LSM14A: variants seen among roughly 807,000 people sequenced by gnomAD.
The protein encoded by LSM14A is protein LSM14 homolog A.
Under a neutral mutation model 52.4 loss-of-function variants are expected in LSM14A, and 14 were observed. The observed-to-expected ratio is 0.27, with a 90% confidence interval of 0.18 to 0.42. LSM14A has a LOEUF of 0.42. LSM14A is among the 10% of genes least tolerant of loss of function. The pLI is 1.00. For synonymous variants in LSM14A, 185 were observed against 200.3 expected (o/e 0.92, Z 0.64); for missense variants, 417 against 581.8 (o/e 0.72, Z 2.91).
intron 1 of LSM14A, among the ~76,000 whole-genome samples, chr19:34,184,055 C>CT (rs34912989): frequency 0.091 from 11,753 of 129,844 alleles, 979 homozygotes; most frequent in African/African-American, 0.19. Flanking sequence ...CTTTCCTTTG[C>CT]TTTTTTTTTT....
chr19:34,172,865 C>G, intron 1 of LSM14A, 102 bp downstream of exon 1: 1 of 1,353,506 alleles, frequency 7.4e-7, no homozygotes, highest in South Asian at 1.5e-5. Flanking sequence ...CTCCCTCCGT[C>G]GAGCTCCGGG....
At chr19:34,173,724 G>A (rs1255960225) in intron 1 of LSM14A, among the ~76,000 whole-genome samples, 3 of 152,150 alleles carry the variant, frequency 2.0e-5, no homozygotes, top group South Asian at 2.1e-4. Context: ...AATACTTTGA[G>A]GGAAGCTAGA....
In LSM14A at chr19:34,215,238, T is replaced by A. The variant is rs776692217; in HGVS notation, c.653T>A (p.Val218Glu). Residue 218 changes from valine to glutamate, a missense_variant, in exon 5 of 10, where the codon GTA becomes GAA. By Grantham distance (121) the Val-to-Glu change is moderately radical. This residue lies in a region of LSM14A where 357 missense variants were observed against 457.0 expected (regional missense o/e 0.78). Coordinates refer to ENST00000544216, the MANE Select transcript of LSM14A (RefSeq NM_015578.4). ...GCAGCTGTTGGGAGAAGGAGTCCTGTATCAACCAGGCCTTTGCCATCTGCC... is the reference window on the plus strand; with the variant it reads ...GCAGCTGTTGGGAGAAGGAGTCCTGAATCAACCAGGCCTTTGCCATCTGCC... ...APAAVGRRSPVSTRPLPSASQ... is the reference protein window; with the variant it reads ...APAAVGRRSPESTRPLPSASQ... 2 of 1,614,170 alleles carry A rather than the reference T, an allele frequency of 1.2e-6. No homozygotes were observed. Among genetic ancestry groups the A allele is most frequent in the Non-Finnish European group, 1.7e-6 (2 of 1,180,028 alleles).
intron 2 of LSM14A, 44 bp from the exon 3 acceptor site, chr19:34,196,590 A>G (rs201681504): frequency 3.2e-6 from 5 of 1,540,276 alleles, no homozygotes; most frequent in Admixed American, 2.3e-5. Context: ...CGTTATATAC[A>G]TGTTGCTTAG....
chr19:34,181,520 A>G (rs571480435), intron 1 of LSM14A, among the ~76,000 whole-genome samples: 1 of 152,192 alleles, frequency 6.6e-6, no homozygotes, highest in East Asian at 1.9e-4. Flanking sequence ...ATTCTACTTC[A>G]CCAGTCAGCA....
At chr19:34,214,201 T>C (rs911587996) in intron 4 of LSM14A, among the ~76,000 whole-genome samples, 1 of 152,086 alleles carries the variant, frequency 6.6e-6, no homozygotes, top group Non-Finnish European at 1.5e-5. Context: ...TGTTTGTTTG[T>C]TTTTTTGCTG....
Position 34,227,752 on chromosome 19 carries a change from A to C in LSM14A, c.*364A>C. The stretch of plus-strand genomic sequence containing the variant: ...TATTTGGCAATTGCAAGTTGCCTGC[A>C]GATAGGGCCGTGATACTGTGTTTTG... On this transcript the variant is annotated 3_prime_UTR_variant, in exon 10 of 10. Transcript: ENST00000544216. The C allele has an allele frequency of 4.8e-6, 1 of 207,834 alleles. No individual in the cohort carries two copies. The highest frequency in any genetic ancestry group is 9.4e-6 in the Non-Finnish European group (1 of 106,114). The allele number at this position is 207,834 out of a possible 1,614,324, so 12.9% of individuals were successfully genotyped here.
chr19:34,179,326 A>G (rs1341381954), intron 1 of LSM14A, among the ~76,000 whole-genome samples: 1 of 152,220 alleles, frequency 6.6e-6, no homozygotes, highest in Admixed American at 6.5e-5. Context: ...CTATTACCTT[A>G]TTGGAGAGAG....
At chr19:34,226,395 T>TC (rs2073346346) in intron 9 of LSM14A, 2 of 1,491,274 alleles carry the variant, frequency 1.3e-6, no homozygotes, top group African/African-American at 1.4e-5. Context: ...TTTTTTTTTT[T>TC]TTTACCTTTC....
chr19:34,173,108 G>A (rs1284907482), intron 1 of LSM14A, among the ~76,000 whole-genome samples: 2 of 152,252 alleles, frequency 1.3e-5, no homozygotes, highest in Non-Finnish European at 2.9e-5. Context: ...AACAAAGCCG[G>A]AGTATTCAAA....
chr19:34,173,716 T>TA (rs1408707158), intron 1 of LSM14A, among the ~76,000 whole-genome samples: 3 of 152,134 alleles, frequency 2.0e-5, no homozygotes, highest in Non-Finnish European at 4.4e-5. Flanking sequence ...CAGTGTAAAA[T>TA]ACTTTGAGGG....
chr19:34,188,442 A>G (rs1225553855), intron 1 of LSM14A, among the ~76,000 whole-genome samples: 1 of 152,198 alleles, frequency 6.6e-6, no homozygotes. Context: ...GTGTGTGCGC[A>G]CATGTGTGTT....
chr19:34,196,654 T>A lies in LSM14A; in HGVS notation c.306T>A (p.Thr102=), dbSNP rs1222880340. 6.2e-7 allele frequency: 1 copy of A among 1,611,796 alleles called. No individual in the cohort carries two copies. The highest frequency in any genetic ancestry group is 1.7e-5 in the Admixed American group (1 of 59,512). Residue 102 remains threonine, a synonymous_variant, in exon 3 of 10, where the codon ACT becomes ACA. Transcript: ENST00000544216. ...TTCAGTCCTCACTAGGCTCATCGAC[T>A]TCTTCATTCCAGTCCATGGGTTCTT... ...AIVQSSLGSS[T]SSFQSMGSYG...
chr19:34,221,153 A>T (rs2145880822), intron 8 of LSM14A, among the ~76,000 whole-genome samples: 1 of 142,360 alleles, frequency 7.0e-6, no homozygotes, highest in East Asian at 2.1e-4. Flanking sequence ...CTCGATCTCG[A>T]CTCACTGCAA....
intron 4 of LSM14A, among the ~76,000 whole-genome samples, chr19:34,214,292 CTTTATTTATTTA>C (rs61278191): frequency 8.8e-4 from 131 of 148,496 alleles, no homozygotes; most frequent in South Asian, 4.4e-3. Context: ...AGTTCTTTTA[CTTTATTTATTTA>C]TTTATTTATT....
At chr19:34,222,854 A>C (rs1053745163) in intron 9 of LSM14A, among the ~76,000 whole-genome samples, 1 of 152,198 alleles carries the variant, frequency 6.6e-6, no homozygotes, top group African/African-American at 2.4e-5. Context: ...TAGGAACTCC[A>C]GAATAGCCCT....
At chr19:34,176,039 G>A (rs1192131967) in intron 1 of LSM14A, among the ~76,000 whole-genome samples, 1 of 151,640 alleles carries the variant, frequency 6.6e-6, no homozygotes, top group Non-Finnish European at 1.5e-5. Flanking sequence ...GAGTAGAGAC[G>A]GGGTTTCACC....
rs1035996291 is a variant in LSM14A, at chr19:34,201,500, G to T, written c.415+4737G>T. Among the ~76,000 whole-genome samples the T allele has an allele frequency of 2.6e-5, 4 of 152,066 alleles. No individual in the cohort carries two copies. In the East Asian group the frequency reaches 7.7e-4, roughly 29 times the overall value. Reference sequence around the variant, plus strand: ...TGCGGTTACAAGCATGTGCCACCACGCCCAGCTAATTTTTGTATTTTTAGT... The same window carrying T: ...TGCGGTTACAAGCATGTGCCACCACTCCCAGCTAATTTTTGTATTTTTAGT... On this transcript the variant is annotated intron_variant, in intron 3 of 9. Transcript: ENST00000544216.
chr19:34,221,486 G>T (rs1030547810), intron 8 of LSM14A, 21 bp from the exon 9 acceptor site: 1 of 1,606,388 alleles, frequency 6.2e-7, no homozygotes, highest in Non-Finnish European at 8.5e-7. Flanking sequence ...ATATGCTGAA[G>T]ATTATTTGCT....
Sources: gnomAD v4.1 joint callset for allele counts (sites outside exome capture counted in the v4.1 genomes callset) on GRCh38, gnomAD v4.1.1 for gene constraint, gnomAD v4.1.1 regional missense constraint, MANE v1.5 for transcripts, NCBI Gene and HGNC (gene_info 2026-07-23, HGNC 2026-07-21) for gene names.